NBPF6: variants seen among roughly 807,000 people sequenced by gnomAD.
NBPF6 encodes NBPF member 6, also known as NBPF family member NBPF6.
In NBPF6, 2 loss-of-function variants were observed where a neutral mutation model predicts 20.8. That is an observed-to-expected ratio of 0.10 (90% CI 0.04 to 0.30). The LOEUF (loss-of-function observed/expected upper bound fraction) is 0.30. Ranked by LOEUF, NBPF6 falls within the 10% of genes least tolerant of loss-of-function variation. The pLI, the probability that NBPF6 is intolerant of heterozygous loss-of-function variation, is 1.00. For missense variants in NBPF6, 85 were observed against 260.3 expected (o/e 0.33, Z 4.63); for synonymous variants, 24 against 100.0 (o/e 0.24, Z 4.53).
chr1:108,448,048 A>G (rs1180390751), upstream of NBPF6, among the ~76,000 whole-genome samples: 3 of 145,680 alleles, frequency 2.1e-5, 1 homozygote, highest in Non-Finnish European at 3.0e-5. Context: ...TCCATAAAAT[A>G]TATATTGTAT....
At chr1:108,468,944 G>A (rs1443829500) in intron 14 of NBPF6, among the ~76,000 whole-genome samples, 1 of 144,688 alleles carries the variant, frequency 6.9e-6, no homozygotes, top group Non-Finnish European at 1.5e-5. Flanking sequence ...TCTAATATGT[G>A]GCTAAAGATG....
At chr1:108,448,435 A>G (rs1371720542), upstream of NBPF6, among the ~76,000 whole-genome samples, 8 of 148,372 alleles carry the variant, frequency 5.4e-5, no homozygotes, top group Admixed American at 1.3e-4. Context: ...AATTCCAGGT[A>G]ATAGAGGTTA....
At chr1:108,437,657 C>T in the NBPF6 span, among the ~76,000 whole-genome samples, 1 of 35,056 alleles carries the variant, frequency 2.9e-5, no homozygotes, top group South Asian at 1.1e-3. Context: ...AGGAGAATTG[C>T]TTGAACCAAG....
chr1:108,437,448 G>GC, the NBPF6 span, among the ~76,000 whole-genome samples: 1 of 81,612 alleles, frequency 1.2e-5, no homozygotes, highest in South Asian at 3.5e-4. Flanking sequence ...AATGATAAAT[G>GC]CCTATATTGG....
upstream of NBPF6, among the ~76,000 whole-genome samples, chr1:108,449,415 A>ACTAT (rs1553270795): frequency 5.2e-4 from 5 of 9,602 alleles, 1 homozygote; most frequent in African/African-American, 7.5e-4. Flanking sequence ...TGTTAGAACA[A>ACTAT]CTATATATAT....
In NBPF6 at chr1:108,467,720, T is replaced by A. The variant is rs1230721100; in HGVS notation, c.1875+55T>A. On this transcript the variant is annotated intron_variant, in intron 14 of 14. Coordinates refer to ENST00000495380, the MANE Select transcript of NBPF6 (RefSeq NM_001143988.2). ...TCACTTCTTATTTCTCTGTCTATGG[T>A]GACAGCTCATTCTCTCACTGCTTTT... The A allele has an allele frequency of 2.6e-6, 4 of 1,543,736 alleles. 1 individual carries two copies. The highest frequency in any genetic ancestry group is 2.6e-6 in the Non-Finnish European group (3 of 1,140,664).
At chr1:108,452,812 A>G (rs1248244747) in intron 3 of NBPF6, among the ~76,000 whole-genome samples, 10 of 75,522 alleles carry the variant, frequency 1.3e-4, no homozygotes, top group African/African-American at 4.5e-4. Context: ...AGAGATGCCC[A>G]TGGCCAAAGT....
the NBPF6 span, among the ~76,000 whole-genome samples, chr1:108,429,780 CACCAA>C: frequency 1.9e-5 from 2 of 103,056 alleles, no homozygotes; most frequent in African/African-American, 7.2e-5. Context: ...TGCCATGTGA[CACCAA>C]AAAAAATGTA....
chr1:108,459,530 CGGG>C (rs1351834355), intron 9 of NBPF6, among the ~76,000 whole-genome samples: 188 of 147,664 alleles, frequency 1.3e-3, no homozygotes, highest in African/African-American at 4.5e-3. Flanking sequence ...CATGCGATTT[CGGG>C]GATACGATTA....
chr1:108,452,974 G>GT (rs1652924835), intron 3 of NBPF6, among the ~76,000 whole-genome samples: 2 of 48,620 alleles, frequency 4.1e-5, no homozygotes, highest in African/African-American at 1.5e-4. Flanking sequence ...GTGTGTGTAT[G>GT]TTTGTTTGTG....
In NBPF6 at chr1:108,470,550, C is replaced by T. The variant is rs748409135; in HGVS notation, c.1876-47C>T. 5.2e-5 allele frequency: 76 copies of T among 1,449,620 alleles called. No homozygotes were observed. The South Asian group carries it at 8.6e-4, about 16-fold the overall frequency. The allele number at this position is 1,449,620 out of a possible 1,614,324, so 89.8% of individuals were successfully genotyped here. ...CCTCCAGACTCAGCCATCAGGTGGACCTGACAAAAATGCTCATTTGATTTT... is the reference window on the plus strand; with the variant it reads ...CCTCCAGACTCAGCCATCAGGTGGATCTGACAAAAATGCTCATTTGATTTT... On this transcript the variant is annotated intron_variant, in intron 14 of 14. Transcript: ENST00000495380.
At chr1:108,438,119 T>C in the NBPF6 span, among the ~76,000 whole-genome samples, 1 of 67,208 alleles carries the variant, frequency 1.5e-5, no homozygotes, top group Non-Finnish European at 3.0e-5. Flanking sequence ...TTAACTAGAC[T>C]AAGAAAAAAA....
intron 14 of NBPF6, among the ~76,000 whole-genome samples, chr1:108,469,894 C>G (rs1028462974): frequency 6.9e-6 from 1 of 145,148 alleles, no homozygotes; most frequent in Non-Finnish European, 1.5e-5. Flanking sequence ...AACCTTATTC[C>G]TGTCCTAGCC....
chr1:108,437,175 AG>A, the NBPF6 span, among the ~76,000 whole-genome samples: 1 of 30,002 alleles, frequency 3.3e-5, no homozygotes, highest in African/African-American at 9.5e-5. Flanking sequence ...ATGAATGAAA[AG>A]TAGATCATGA....
rs1000848170 is a variant in NBPF6, at chr1:108,471,508, A to T, written c.*870A>T. ...TGTCCCTTGTAAAGACACCTTATTTATAATTAAATTGGAAAGTGGTTTGAA... is the reference window on the plus strand; with the variant it reads ...TGTCCCTTGTAAAGACACCTTATTTTTAATTAAATTGGAAAGTGGTTTGAA... On this transcript the variant is annotated 3_prime_UTR_variant, in exon 15 of 15. Transcript: ENST00000495380. Among the ~76,000 whole-genome samples the T allele has an allele frequency of 3.3e-4, 50 of 152,202 alleles. No homozygotes were observed. The highest frequency in any genetic ancestry group is 6.0e-4 in the Non-Finnish European group (41 of 68,034).
At position 108,450,560 on chromosome 1, in the gene NBPF6, TC is replaced by T. The variant is rs1652781465; in HGVS notation, c.-35-3del. 2 of 1,164,320 alleles carry T rather than the reference TC, an allele frequency of 1.7e-6. No homozygotes were observed. Among genetic ancestry groups the T allele is most frequent in the South Asian group, 1.3e-5 (1 of 77,972 alleles). The allele number at this position is 1,164,320 out of a possible 1,614,324, so 72.1% of individuals were successfully genotyped here. On this transcript the variant is annotated splice_region_variant and splice_polypyrimidine_tract_variant and intron_variant, in intron 1 of 14. Coordinates refer to ENST00000495380, the MANE Select transcript of NBPF6 (RefSeq NM_001143988.2). ...ACCCATCATGTGTCTGGGTTTCTTC[TC>T]CCCAGTCCCTGGCTCTACCTCTTCT...
intron 14 of NBPF6, among the ~76,000 whole-genome samples, chr1:108,469,382 G>A (rs1300747070): frequency 6.7e-6 from 1 of 149,398 alleles, no homozygotes; most frequent in Non-Finnish European, 1.5e-5. Context: ...GTCAATTATT[G>A]TCCTTCTGCA....
upstream of NBPF6, among the ~76,000 whole-genome samples, chr1:108,449,129 A>T (rs1652731630): frequency 4.7e-5 from 1 of 21,090 alleles, no homozygotes; most frequent in African/African-American, 7.9e-5. Flanking sequence ...GCCCGTGGTC[A>T]CACTCATCAC....
chr1:108,470,524 C>G, intron 14 of NBPF6, 73 bp from the exon 15 acceptor site: 1 of 1,143,748 alleles, frequency 8.7e-7, no homozygotes, highest in South Asian at 1.5e-5. Flanking sequence ...GCTTAGCAAT[C>G]CCTCCAGACT....
Sources: allele counts gnomAD v4.1 joint callset (sites outside exome capture counted in the v4.1 genomes callset), GRCh38; gene constraint gnomAD v4.1.1; transcripts MANE v1.5; gene names NCBI Gene and HGNC (gene_info 2026-07-23, HGNC 2026-07-21).